The following CNTN3 variants were observed in gnomAD, a reference collection of about 807,000 sequenced individuals.
CNTN3 encodes contactin-3.
Under a neutral mutation model 119.1 loss-of-function variants are expected in CNTN3, and 60 were observed. The observed-to-expected ratio is 0.50, with a 90% CI of 0.41 to 0.62. CNTN3 has a LOEUF of 0.62. CNTN3 is among the 20% of genes least tolerant of loss of function. The pLI is 0.00. For synonymous variants in CNTN3, 450 were observed against 438.7 expected (o/e 1.03, Z -0.32); for missense variants, 1,101 against 1,242.4 (o/e 0.89, Z 1.71).
intron 20 of CNTN3, among the ~76,000 whole-genome samples, chr3:74,272,741 G>A (rs948566684): frequency 5.9e-5 from 9 of 152,092 alleles, no homozygotes; most frequent in Admixed American, 1.3e-4. Flanking sequence ...GGAGCCAGTA[G>A]GTCTTTAATA....
chr3:74,457,374 A>T (rs1301866471), intron 4 of CNTN3, among the ~76,000 whole-genome samples: 1 of 152,056 alleles, frequency 6.6e-6, no homozygotes, highest in African/African-American at 2.4e-5. Context: ...GTAACTGGTC[A>T]AAACTTTTTA....
At chr3:74,607,882 G>A (rs56072161) in intron 1 of CNTN3, among the ~76,000 whole-genome samples, 4,956 of 152,248 alleles carry the variant, frequency 0.033, 93 homozygotes, top group South Asian at 0.04. Flanking sequence ...GGATAAAACC[G>A]TGTAGGGCTA....
chr3:74,606,307 A>G (rs1704991968), intron 1 of CNTN3, among the ~76,000 whole-genome samples: 1 of 151,992 alleles, frequency 6.6e-6, no homozygotes, highest in Non-Finnish European at 1.5e-5. Context: ...CCTCCCCATC[A>G]TTTGATTTTA....
intron 13 of CNTN3, among the ~76,000 whole-genome samples, chr3:74,307,807 G>A (rs1702595456): frequency 6.6e-6 from 1 of 152,052 alleles, no homozygotes. Context: ...TAAATTATAA[G>A]CAAATAATGA....
At chr3:74,527,328 G>T (rs1394494446) in intron 1 of CNTN3, among the ~76,000 whole-genome samples, 2 of 151,808 alleles carry the variant, frequency 1.3e-5, no homozygotes, top group Non-Finnish European at 2.9e-5. Context: ...GTTAATTTTT[G>T]CTTCTGGTCT....
intron 13 of CNTN3, among the ~76,000 whole-genome samples, chr3:74,333,546 T>C (rs575931427): frequency 3.3e-4 from 51 of 152,338 alleles, no homozygotes; most frequent in African/African-American, 1.2e-3. Context: ...TTTGTGTGTC[T>C]ATGTCCAAAT....
intron 5 of CNTN3, among the ~76,000 whole-genome samples, chr3:74,411,473 C>A (rs1400246068): frequency 1.3e-5 from 2 of 152,202 alleles, no homozygotes; most frequent in Non-Finnish European, 2.9e-5. Context: ...CTGGATTATT[C>A]CTCTTTGATA....
chr3:74,588,263 G>A (rs931968455), intron 1 of CNTN3, among the ~76,000 whole-genome samples: 5 of 151,990 alleles, frequency 3.3e-5, no homozygotes, highest in Admixed American at 3.3e-4. Context: ...CAAACTCTCA[G>A]GATAAAAATC....
intron 3 of CNTN3, among the ~76,000 whole-genome samples, chr3:74,495,662 T>C (rs1437679331): frequency 2.6e-5 from 4 of 152,048 alleles, no homozygotes; most frequent in African/African-American, 9.7e-5. Context: ...TTCTTTCTTA[T>C]ACTGAATGCA....
At chr3:74,578,774 C>T (rs1358019624) in intron 1 of CNTN3, among the ~76,000 whole-genome samples, 1 of 152,048 alleles carries the variant, frequency 6.6e-6, no homozygotes, top group Non-Finnish European at 1.5e-5. Context: ...CAAAAGGACT[C>T]TAGTGATGTA....
chr3:74,590,583 G>A (rs1030013248), intron 1 of CNTN3, among the ~76,000 whole-genome samples: 2 of 151,990 alleles, frequency 1.3e-5, no homozygotes, highest in African/African-American at 4.8e-5. Flanking sequence ...CTCATTGATT[G>A]GGGAATATAC....
At chr3:74,288,196 T>C (rs1702154103) in intron 19 of CNTN3, among the ~76,000 whole-genome samples, 1 of 149,132 alleles carries the variant, frequency 6.7e-6, no homozygotes, top group Admixed American at 6.7e-5. Context: ...TCTCACTGTG[T>C]TGCCCAGGCT....
chr3:74,443,465 C>T (rs566454760), intron 4 of CNTN3, among the ~76,000 whole-genome samples: 2 of 152,280 alleles, frequency 1.3e-5, no homozygotes, highest in Admixed American at 1.3e-4. Context: ...AATCCTGCCC[C>T]TCCCCTCCTT....
At chr3:74,438,325 G>C (rs1701905893) in intron 4 of CNTN3, among the ~76,000 whole-genome samples, 1 of 152,224 alleles carries the variant, frequency 6.6e-6, no homozygotes, top group Admixed American at 6.5e-5. Context: ...TTGATACTTA[G>C]GATCTTAGTC....
rs183378707 is a variant in CNTN3, at chr3:74,437,848, G to A, written c.359-12908C>T. On this transcript the variant is annotated intron_variant, in intron 4 of 22. Transcript: ENST00000263665. ...TATATCTGAGTTTGGAGATAATTTA[G>A]AAAATCTCTGTGCAAAGTACATGTT... Among the ~76,000 whole-genome samples, 927 of 152,200 alleles carry A rather than the reference G, an allele frequency of 6.1e-3. 6 individuals carry two copies. The highest frequency in any genetic ancestry group is 8.7e-3 in the Non-Finnish European group (590 of 68,020).
intron 4 of CNTN3, among the ~76,000 whole-genome samples, chr3:74,460,141 C>A (rs1702338909): frequency 6.6e-6 from 1 of 152,072 alleles, no homozygotes; most frequent in African/African-American, 2.4e-5. Context: ...ACCAACACAA[C>A]ACAGTCTTGA....
Position 74,365,600 on chromosome 3 carries a change from C to T in CNTN3, c.1049G>A (p.Arg350Gln), listed in dbSNP as rs548642965. The T allele has an allele frequency of 5.0e-6, 8 of 1,613,448 alleles. No individual in the cohort carries two copies. The highest frequency in any genetic ancestry group is 1.7e-5 in the Admixed American group (1 of 59,982). Reference protein sequence around the residue: ...RASGKPKPSYRWLKNGAALVL... With the variant: ...RASGKPKPSYQWLKNGAALVL... ...CAGGGCTGCTCCATTTTTCAGCCATCGGTAGGAAGGCTTGGGCTTGCCGCT... is the reference window on the plus strand; with the variant it reads ...CAGGGCTGCTCCATTTTTCAGCCATTGGTAGGAAGGCTTGGGCTTGCCGCT... The change falls in exon 9 of 23, where the codon CGA (arginine) becomes CAA (glutamine). Residue 350 changes from arginine (R) to glutamine (Q), a missense_variant. By Grantham distance (43) the Arg-to-Gln change is conservative (BLOSUM62 1). Transcript: ENST00000263665.
intron 4 of CNTN3, among the ~76,000 whole-genome samples, chr3:74,448,543 A>C (rs1702089456): frequency 6.6e-6 from 1 of 152,294 alleles, no homozygotes; most frequent in Admixed American, 6.5e-5. Context: ...TAAAGACAGA[A>C]TGACACCTGC....
At chr3:74,432,389 A>G (rs1701798588) in intron 4 of CNTN3, among the ~76,000 whole-genome samples, 1 of 150,856 alleles carries the variant, frequency 6.6e-6, no homozygotes, top group South Asian at 2.1e-4. Context: ...AATGAGCTAA[A>G]AAAAAAAAAA....
Sources: allele counts gnomAD v4.1 joint callset (sites outside exome capture counted in the v4.1 genomes callset), GRCh38; gene constraint gnomAD v4.1.1; transcripts MANE v1.5; gene names NCBI Gene and HGNC (gene_info 2026-07-23, HGNC 2026-07-21).